Variants in MTUS2 observed in about 807,000 individuals in gnomAD.
MTUS2 encodes microtubule-associated tumor suppressor candidate 2.
Under a neutral mutation model 114.1 loss-of-function variants are expected in MTUS2, and 40 were observed. That is an observed-to-expected ratio of 0.35 (90% CI 0.27 to 0.46). The LOEUF is 0.46. Ranked by LOEUF, MTUS2 falls within the 20% of genes least tolerant of loss-of-function variation. MTUS2 has a pLI of 1.00. For synonymous variants in MTUS2, 688 were observed against 672.0 expected, an observed-to-expected ratio of 1.02 and a Z score of -0.37; for missense variants, 1,679 against 1,705.4, an observed-to-expected ratio of 0.98 and a Z score of 0.27.
At chr13:28,905,350 C>T (rs1487890987) in intron 2 of MTUS2, among the ~76,000 whole-genome samples, 1 of 151,502 alleles carries the variant, frequency 6.6e-6, no homozygotes, top group Non-Finnish European at 1.5e-5. Flanking sequence ...GAAGGGAATG[C>T]TTCCGGTTTT....
intron 9 of MTUS2, among the ~76,000 whole-genome samples, chr13:29,462,296 G>T (rs1879553186): frequency 6.6e-6 from 1 of 152,214 alleles, no homozygotes; most frequent in Admixed American, 6.5e-5. Flanking sequence ...GAAGTCAGGA[G>T]GCTACAGAGT....
chr13:29,312,906 C>T (rs1899832173), intron 6 of MTUS2, among the ~76,000 whole-genome samples: 1 of 152,110 alleles, frequency 6.6e-6, no homozygotes, highest in South Asian at 2.1e-4. Flanking sequence ...TAGGAAGAAA[C>T]AAGAAAGATA....
chr13:29,037,339 C>T (rs1887128601), intron 4 of MTUS2, among the ~76,000 whole-genome samples: 1 of 152,138 alleles, frequency 6.6e-6, no homozygotes, highest in Non-Finnish European at 1.5e-5. Flanking sequence ...AATATTGGCT[C>T]CCACTCTCTT....
At chr13:29,219,259 G>A (rs1895809080) in intron 5 of MTUS2, among the ~76,000 whole-genome samples, 1 of 149,254 alleles carries the variant, frequency 6.7e-6, no homozygotes, top group African/African-American at 2.5e-5. Flanking sequence ...TACTGAGAAT[G>A]ATGATTTCCA....
At chr13:29,294,118 G>T (rs964646603) in intron 6 of MTUS2, among the ~76,000 whole-genome samples, 21 of 151,946 alleles carry the variant, frequency 1.4e-4, no homozygotes, top group Admixed American at 6.6e-5. Flanking sequence ...GAGCATGAAG[G>T]TTACAGAAAA....
chr13:29,262,836 T>C (rs532648414), intron 5 of MTUS2, among the ~76,000 whole-genome samples: 1 of 152,240 alleles, frequency 6.6e-6, no homozygotes, highest in Admixed American at 6.5e-5. Context: ...TCATAAAATA[T>C]GGTGCCATCT....
rs552766235 is a variant in MTUS2 at position 29,317,432 on chromosome 13, C to CT, written c.2807-7164dup. 1.9e-3 allele frequency among the ~76,000 whole-genome samples: 98 copies of CT among 51,676 alleles called. 21 individuals are homozygous for CT. Among genetic ancestry groups the CT allele is most frequent in the African/African-American group, 4.1e-3 (63 of 15,264 alleles). The allele number at this position is 51,676 out of a possible 152,430, so 33.9% of individuals were successfully genotyped here. A position where few individuals can be genotyped will look rare whatever the true frequency, so the allele number is the denominator to read the frequency against. ...GCTTGTGCGCGCGCTCTCTCTCTCT[C>CT]TTTTTTTTTTTTTTTTTGAGACGGA... On this transcript the variant is annotated intron_variant, in intron 6 of 15. Coordinates refer to ENST00000612955, the MANE Select transcript of MTUS2 (RefSeq NM_001033602.4).
intron 4 of MTUS2, among the ~76,000 whole-genome samples, chr13:29,090,798 T>G (rs1889909924): frequency 2.0e-5 from 3 of 152,224 alleles, no homozygotes; most frequent in Admixed American, 2.0e-4. Context: ...AACAAGTCTT[T>G]GGGGATGGGC....
At chr13:29,054,852 T>C (rs1388938114) in intron 4 of MTUS2, among the ~76,000 whole-genome samples, 1 of 152,110 alleles carries the variant, frequency 6.6e-6, no homozygotes, top group Non-Finnish European at 1.5e-5. Context: ...TATTTAGTAG[T>C]ATGTTGCTTA....
At position 29,183,203 on chromosome 13, in the gene MTUS2, A is replaced by G. The variant is rs541050320; in HGVS notation, c.2644+82233A>G. On this transcript the variant is annotated intron_variant, in intron 5 of 15. Coordinates refer to ENST00000612955, the MANE Select transcript of MTUS2 (RefSeq NM_001033602.4). ...GGTAAGGAGCAGCCAAGTTCTGGCT[A>G]CACTTTGGAGTCAGTGCCAACAGGA... Among the ~76,000 whole-genome samples, 3 of 152,294 alleles carry G rather than the reference A, an allele frequency of 2.0e-5. No homozygotes were observed. In the South Asian group the frequency reaches 6.2e-4, roughly 32 times the overall value.
chr13:29,081,173 G>A (rs566559989), intron 4 of MTUS2, among the ~76,000 whole-genome samples: 1 of 152,240 alleles, frequency 6.6e-6, no homozygotes, highest in African/African-American at 2.4e-5. Context: ...GGTGGGGCAA[G>A]GGTTTCTGTA....
intron 5 of MTUS2, among the ~76,000 whole-genome samples, chr13:29,236,558 T>C (rs1896542548): frequency 6.6e-6 from 1 of 152,248 alleles, no homozygotes; most frequent in South Asian, 2.1e-4. Flanking sequence ...ATTTTACTTA[T>C]TTTAATGGGC....
chr13:29,416,690 A>G (rs529511094), intron 8 of MTUS2, among the ~76,000 whole-genome samples: 20 of 152,306 alleles, frequency 1.3e-4, no homozygotes, highest in African/African-American at 4.8e-4. Context: ...ACTTAACTTT[A>G]TATAAAATGA....
At chr13:29,362,491 A>G (rs1235890215) in intron 8 of MTUS2, among the ~76,000 whole-genome samples, 2 of 145,864 alleles carry the variant, frequency 1.4e-5, no homozygotes, top group Non-Finnish European at 3.0e-5. Context: ...AGCCTGGCCA[A>G]CATGGTGAAA....
intron 4 of MTUS2, among the ~76,000 whole-genome samples, chr13:29,087,525 G>A (rs1593461916): frequency 6.6e-6 from 1 of 152,038 alleles, no homozygotes; most frequent in African/African-American, 2.4e-5. Context: ...GAAGATTTTT[G>A]CATCTATGTT....
intron 2 of MTUS2, among the ~76,000 whole-genome samples, chr13:28,974,007 T>C (rs1405510115): frequency 6.6e-6 from 1 of 152,200 alleles, no homozygotes; most frequent in East Asian, 1.9e-4. Context: ...GTTTGCACAT[T>C]TAATGCATGG....
chr13:28,972,495 A>G (rs1226285487), intron 2 of MTUS2, among the ~76,000 whole-genome samples: 2 of 152,230 alleles, frequency 1.3e-5, no homozygotes, highest in Non-Finnish European at 2.9e-5. Context: ...ATTTGGACCT[A>G]GGACCTTTTA....
At chr13:29,354,787 A>G (rs1260512342) in intron 7 of MTUS2, among the ~76,000 whole-genome samples, 3 of 152,226 alleles carry the variant, frequency 2.0e-5, no homozygotes, top group African/African-American at 7.2e-5. Flanking sequence ...AGTACTAAGT[A>G]GGAAAATAGT....
At chr13:29,339,072 G>A (rs9508372) in intron 7 of MTUS2, among the ~76,000 whole-genome samples, 41,016 of 151,882 alleles carry the variant, frequency 0.27, 6,147 homozygotes, top group African/African-American at 0.41. Context: ...CCTGACTCTA[G>A]GCTGGGCTGC....
Sources: allele counts gnomAD v4.1 joint callset (sites outside exome capture counted in the v4.1 genomes callset), GRCh38; gene constraint gnomAD v4.1.1; transcripts MANE v1.5; gene names NCBI Gene and HGNC (gene_info 2026-07-23, HGNC 2026-07-21).